WDFY4: variants seen among roughly 807,000 people sequenced by gnomAD.
The protein encoded by WDFY4 is WDFY family member 4, also known as WD repeat- and FYVE domain-containing protein 4.
Under a neutral mutation model 351.9 loss-of-function variants are expected in WDFY4, and 169 were observed. The ratio of observed to expected loss-of-function variants is 0.48; its 90% confidence interval spans 0.42 to 0.55. The LOEUF is 0.55. WDFY4 is among the 20% of genes least tolerant of loss of function. The pLI is 0.00. For missense variants in WDFY4, 3,803 were observed against 3,935.6 expected (o/e 0.97, Z 0.90); for synonymous variants, 1,622 against 1,574.6 (o/e 1.03, Z -0.71).
intron 4 of WDFY4, among the ~76,000 whole-genome samples, chr10:48,722,764 G>A (rs1356395868): frequency 6.6e-6 from 1 of 152,240 alleles, no homozygotes; most frequent in African/African-American, 2.4e-5. Context: ...AATCCTGGTG[G>A]AGCTGCAGGC....
intron 41 of WDFY4, 91 bp from the exon 42 acceptor site, chr10:48,874,998 T>A (rs1407628111): frequency 2.9e-6 from 2 of 682,416 alleles, no homozygotes; most frequent in African/African-American, 3.8e-5. Flanking sequence ...CACATGCATG[T>A]GCGTGTTTGT....
In WDFY4 at chr10:48,982,876, C is replaced by CT; in HGVS notation, c.*302dup. On this transcript the variant is annotated 3_prime_UTR_variant, in exon 62 of 62. Coordinates refer to ENST00000325239, the MANE Select transcript of WDFY4 (RefSeq NM_001394531.1). ...ACTCACCTTATTAAGGGCTATTGCA[C>CT]TGAAAAAAAAAAAGATGGGTCGCTT... 3.9e-6 allele frequency: 1 copy of CT among 257,044 alleles called. No individual in the cohort carries two copies. 15.9% of individuals were successfully genotyped at this position (257,044 alleles called of 1,614,324 possible).
chr10:48,808,871 G>A (rs547895127), intron 28 of WDFY4, among the ~76,000 whole-genome samples: 7 of 152,354 alleles, frequency 4.6e-5, no homozygotes, highest in East Asian at 3.9e-4. Flanking sequence ...CAGGGACCCA[G>A]AGGAGGCTAC....
At chr10:48,787,898 TTCTTCTTCTTCTTCTTCTTCTTC>T (rs2066500787) in intron 20 of WDFY4, among the ~76,000 whole-genome samples, 24 of 29,482 alleles carry the variant, frequency 8.1e-4, no homozygotes, top group Middle Eastern at 0.023. Context: ...CTTCTCCTTC[TTCTTCTTCTTCTTCTTCTTCTTC>T]TTCTTCTTCT....
chr10:48,850,201 T>C (rs1474376422), intron 39 of WDFY4, among the ~76,000 whole-genome samples: 1 of 152,230 alleles, frequency 6.6e-6, no homozygotes, highest in Admixed American at 6.5e-5. Context: ...CTTGATACTT[T>C]GGAATCAAGT....
intron 51 of WDFY4, among the ~76,000 whole-genome samples, chr10:48,954,004 C>A (rs996922423): frequency 6.6e-6 from 1 of 152,122 alleles, no homozygotes; most frequent in Non-Finnish European, 1.5e-5. Context: ...ATAGACTGTC[C>A]CCTGATTTTA....
chr10:48,787,924 C>CT (rs1348966929), intron 20 of WDFY4, among the ~76,000 whole-genome samples: 7 of 77,010 alleles, frequency 9.1e-5, no homozygotes, highest in African/African-American at 3.0e-4. Flanking sequence ...TCTTCTTCTT[C>CT]TTCTTCTTCT....
intron 53 of WDFY4, 90 bp from the exon 54 acceptor site, chr10:48,963,752 T>A (rs977837499): frequency 7.4e-7 from 1 of 1,346,598 alleles, no homozygotes; most frequent in Admixed American, 2.0e-5. Context: ...GGGCCAGCAC[T>A]CTGAAGCATG....
intron 47 of WDFY4, among the ~76,000 whole-genome samples, chr10:48,903,146 G>GA (rs1236896330): frequency 6.6e-6 from 1 of 152,154 alleles, no homozygotes; most frequent in Non-Finnish European, 1.5e-5. Flanking sequence ...GCAGTTAATT[G>GA]AGTAAAGAGT....
At chr10:48,811,938 G>A (rs1039519991) in intron 30 of WDFY4, among the ~76,000 whole-genome samples, 32 of 152,122 alleles carry the variant, frequency 2.1e-4, no homozygotes, top group African/African-American at 7.5e-4. Context: ...CTCCCAGCAA[G>A]TCTCTGATTT....
At chr10:48,921,540 A>G (rs1839076457) in intron 47 of WDFY4, among the ~76,000 whole-genome samples, 1 of 152,208 alleles carries the variant, frequency 6.6e-6, no homozygotes, top group Non-Finnish European at 1.5e-5. Flanking sequence ...CATGACTTTG[A>G]ATCAGGCAAA....
chr10:48,770,942 C>T (rs887061038), intron 13 of WDFY4, among the ~76,000 whole-genome samples: 2 of 152,208 alleles, frequency 1.3e-5, no homozygotes, highest in African/African-American at 4.8e-5. Context: ...AAAATGCAGC[C>T]TGGGAAGGAT....
chr10:48,756,597 G>C (rs561521435), intron 12 of WDFY4, among the ~76,000 whole-genome samples: 19 of 151,878 alleles, frequency 1.3e-4, no homozygotes, highest in Non-Finnish European at 2.5e-4. Context: ...ATCAGCTATG[G>C]GAATTTGTAG....
At chr10:48,769,452 A>T (rs752607217) in intron 13 of WDFY4, among the ~76,000 whole-genome samples, 2 of 152,216 alleles carry the variant, frequency 1.3e-5, no homozygotes, top group Non-Finnish European at 2.9e-5. Flanking sequence ...AAAGAGCTTA[A>T]GTCACTTAAA....
chr10:48,945,130 C>T (rs986618009), intron 49 of WDFY4, among the ~76,000 whole-genome samples: 3 of 152,194 alleles, frequency 2.0e-5, no homozygotes, highest in African/African-American at 7.2e-5. Context: ...AATCCTGGCA[C>T]TTTGGGAGGC....
At chr10:48,711,745 G>A (rs949344531) in intron 2 of WDFY4, among the ~76,000 whole-genome samples, 1 of 152,250 alleles carries the variant, frequency 6.6e-6, no homozygotes, top group African/African-American at 2.4e-5. Flanking sequence ...GTGGCCCAGA[G>A]CAGACGGCAT....
At chr10:48,947,427 A>T (rs1290745898) in intron 51 of WDFY4, among the ~76,000 whole-genome samples, 1 of 152,192 alleles carries the variant, frequency 6.6e-6, no homozygotes, top group Non-Finnish European at 1.5e-5. Flanking sequence ...AAACCAACTT[A>T]CCCACCCATA....
At chr10:48,837,193 T>C (rs983411257) in intron 39 of WDFY4, among the ~76,000 whole-genome samples, 2 of 151,866 alleles carry the variant, frequency 1.3e-5, no homozygotes, top group Non-Finnish European at 2.9e-5. Flanking sequence ...GGCTGGAAGC[T>C]GGTTAGGAAG....
chr10:48,702,232 C>T (rs2063498528), intron 1 of WDFY4, among the ~76,000 whole-genome samples: 1 of 152,004 alleles, frequency 6.6e-6, no homozygotes, highest in African/African-American at 2.4e-5. Flanking sequence ...TTGATGGCTG[C>T]TGAAAAGAGC....
Sources: allele counts gnomAD v4.1 joint callset (sites outside exome capture counted in the v4.1 genomes callset), GRCh38; gene constraint gnomAD v4.1.1; transcripts MANE v1.5; gene names NCBI Gene and HGNC (gene_info 2026-07-23, HGNC 2026-07-21).